RAP1GAP: variants seen among roughly 807,000 people sequenced by gnomAD.
The protein encoded by RAP1GAP is RAP1 GTPase activating protein.
A neutral mutation model predicts 87.2 loss-of-function variants in RAP1GAP; 35 were observed. The ratio of observed to expected loss-of-function variants is 0.40; its 90% CI spans 0.31 to 0.53. RAP1GAP has a LOEUF of 0.53. RAP1GAP is among the 20% of genes least tolerant of loss of function. The pLI is 0.48. For missense variants in RAP1GAP, 734 were observed against 898.9 expected, an observed-to-expected ratio of 0.82 and a Z score of 2.35; for synonymous variants, 375 against 363.9, an observed-to-expected ratio of 1.03 and a Z score of -0.35.
chr1:21,669,214 T>C lies in RAP1GAP; in HGVS notation c.-149+40A>G. On this transcript the variant is annotated intron_variant, in intron 1 of 24. Transcript: ENST00000374765. This position sits in a 1 kb window ranked among gnomAD's most constrained non-coding sequence, Gnocchi z 5.6. Reference sequence around the variant, plus strand: ...GGGAGTCTGGACACCTCTGTCCCCTTCCCCTTTCCAGGGCCGCAGCCCTGG... The same window carrying C: ...GGGAGTCTGGACACCTCTGTCCCCTCCCCCTTTCCAGGGCCGCAGCCCTGG... The C allele has an allele frequency of 8.0e-7, 1 of 1,251,684 alleles. No homozygotes were observed. Among genetic ancestry groups the C allele is most frequent in the Non-Finnish European group, 1.0e-6 (1 of 973,128 alleles). 77.5% of individuals were successfully genotyped at this position (1,251,684 alleles called of 1,614,324 possible). A position where few individuals can be genotyped will look rare whatever the true frequency, so the allele number is the denominator to read the frequency against.
chr1:21,617,559 A>G (rs573902002), intron 6 of RAP1GAP, 68 bp from the exon 7 acceptor site: 2 of 1,496,740 alleles, frequency 1.3e-6, no homozygotes, highest in South Asian at 1.2e-5. Context: ...ACACCCTCCC[A>G]ACTCAGACCT....
rs2097307882 is a variant in RAP1GAP, at chr1:21,665,405, C to G, written c.-149+3849G>C. Reference sequence around the variant, plus strand: ...CGGGCTGTGGCAGGGACCACAGGACCCAGCTCATCTCTGTGCCCCAGTGCC... The same window carrying G: ...CGGGCTGTGGCAGGGACCACAGGACGCAGCTCATCTCTGTGCCCCAGTGCC... On this transcript the variant is annotated intron_variant, in intron 1 of 24. Coordinates refer to ENST00000374765, the MANE Select transcript of RAP1GAP (RefSeq NM_002885.4). 5 of 341,738 alleles carry G rather than the reference C, an allele frequency of 1.5e-5. No individual in the cohort carries two copies. In the Middle Eastern group the frequency reaches 1.2e-3, roughly 81 times the overall value. The allele number at this position is 341,738 out of a possible 1,614,324, so 21.2% of individuals were successfully genotyped here. A position where few individuals can be genotyped will look rare whatever the true frequency, so the allele number is the denominator to read the frequency against.
rs2081751109 is a variant in RAP1GAP at position 21,615,939 on chromosome 1, G to A, written c.291+1367C>T. 6.6e-6 allele frequency among the ~76,000 whole-genome samples: 1 copy of A among 152,136 alleles called. No homozygotes were observed. Among genetic ancestry groups the A allele is most frequent in the African/African-American group, 2.4e-5 (1 of 41,410 alleles). ...CACCTCTAGGGCTCAGCTGGGAAGTGGAATTCCATGCTGGGTTCTGGGTTT... is the reference window on the plus strand; with the variant it reads ...CACCTCTAGGGCTCAGCTGGGAAGTAGAATTCCATGCTGGGTTCTGGGTTT... On this transcript the variant is annotated intron_variant, in intron 7 of 24. Coordinates refer to ENST00000374765, the MANE Select transcript of RAP1GAP (RefSeq NM_002885.4). This position sits in a 1 kb window ranked among gnomAD's most constrained non-coding sequence, Gnocchi z 4.5.
chr1:21,598,591 T>G, intron 21 of RAP1GAP, 89 bp from the exon 22 acceptor site: 1 of 1,065,406 alleles, frequency 9.4e-7, no homozygotes, highest in Non-Finnish European at 1.4e-6. Flanking sequence ...CCTCACTGCA[T>G]TCCACAACCC....
At chr1:21,644,081 C>T (rs2095799876) in intron 2 of RAP1GAP, among the ~76,000 whole-genome samples, 1 of 152,124 alleles carries the variant, frequency 6.6e-6, no homozygotes, top group Non-Finnish European at 1.5e-5. Context: ...ATCACACAGC[C>T]AAACAGTGGC....
rs1250368814 is a variant in RAP1GAP at position 21,669,210 on chromosome 1, C to G, written c.-149+44G>C. The G allele has an allele frequency of 8.0e-7, 1 of 1,252,188 alleles. No individual in the cohort carries two copies. The highest frequency in any genetic ancestry group is 1.0e-6 in the Non-Finnish European group (1 of 973,342). 77.6% of individuals were successfully genotyped at this position (1,252,188 alleles called of 1,614,324 possible). On this transcript the variant is annotated intron_variant, in intron 1 of 24. Coordinates refer to ENST00000374765, the MANE Select transcript of RAP1GAP (RefSeq NM_002885.4). The surrounding 1 kb of genome is among the most constrained non-coding windows in gnomAD (Gnocchi z 5.6). Reference sequence around the variant, plus strand: ...CGACGGGAGTCTGGACACCTCTGTCCCCTTCCCCTTTCCAGGGCCGCAGCC... The same window carrying G: ...CGACGGGAGTCTGGACACCTCTGTCGCCTTCCCCTTTCCAGGGCCGCAGCC...
At chr1:21,650,182 G>T (rs1317623161) in intron 1 of RAP1GAP, among the ~76,000 whole-genome samples, 1 of 152,026 alleles carries the variant, frequency 6.6e-6, no homozygotes, top group East Asian at 1.9e-4. Flanking sequence ...ATGGAAGTTT[G>T]CTGGATATCT....
At chr1:21,618,892 C>T in intron 5 of RAP1GAP, 133 bp downstream of exon 5, 2 of 1,043,766 alleles carry the variant, frequency 1.9e-6, no homozygotes, top group East Asian at 2.6e-5. Context: ...TCCCCCCCTA[C>T]CCCCGCACCT....
intron 1 of RAP1GAP, among the ~76,000 whole-genome samples, chr1:21,664,141 GC>G (rs2097258916): frequency 1.3e-5 from 2 of 152,204 alleles, no homozygotes; most frequent in Admixed American, 1.3e-4. Flanking sequence ...ACCAATGACA[GC>G]CCCCGGCTCT....
intron 1 of RAP1GAP, among the ~76,000 whole-genome samples, chr1:21,658,004 T>G (rs541518430): frequency 6.6e-6 from 1 of 152,144 alleles, no homozygotes; most frequent in Non-Finnish European, 1.5e-5. Context: ...TCCTCAGAAA[T>G]GACGGGGTCG....
Position 21,601,800 on chromosome 1 carries a change from G to T in RAP1GAP, c.1539-3C>A. 3 of 1,596,960 alleles carry T rather than the reference G, an allele frequency of 1.9e-6. No homozygotes were observed. The highest frequency in any genetic ancestry group is 2.6e-6 in the Non-Finnish European group (3 of 1,170,940). On this transcript the variant is annotated splice_region_variant and splice_polypyrimidine_tract_variant and intron_variant, in intron 19 of 24. Coordinates refer to ENST00000374765, the MANE Select transcript of RAP1GAP (RefSeq NM_002885.4). Reference sequence around the variant, plus strand: ...TCTGACCAGCCGGAGGGCTCTCCCTGCGGGGCACACGGGGGCAGCGGGGGG... The same window carrying T: ...TCTGACCAGCCGGAGGGCTCTCCCTTCGGGGCACACGGGGGCAGCGGGGGG...
intron 2 of RAP1GAP, among the ~76,000 whole-genome samples, chr1:21,630,266 C>CTTTTT (rs199787255): frequency 6.9e-6 from 1 of 145,840 alleles, no homozygotes. Context: ...TTCTTTTTCC[C>CTTTTT]TTTTTTTTTT....
intron 17 of RAP1GAP, among the ~76,000 whole-genome samples, chr1:21,607,548 A>G (rs2075477795): frequency 8.9e-6 from 1 of 112,506 alleles, no homozygotes; most frequent in African/African-American, 3.2e-5. Flanking sequence ...ACCTCTTCTG[A>G]GAACTCTATT....
intron 2 of RAP1GAP, among the ~76,000 whole-genome samples, chr1:21,628,099 A>G (rs950231662): frequency 2.6e-5 from 4 of 152,160 alleles, no homozygotes; most frequent in African/African-American, 9.7e-5. Flanking sequence ...AAGTTTCACT[A>G]TTTGTTGAAT....
rs766148734 is a variant in RAP1GAP at position 21,613,745 on chromosome 1, A to C, written c.396-39T>G. On this transcript the variant is annotated intron_variant, in intron 8 of 24. Coordinates refer to ENST00000374765, the MANE Select transcript of RAP1GAP (RefSeq NM_002885.4). This position sits in a 1 kb window ranked among gnomAD's most constrained non-coding sequence, Gnocchi z 4.7. ...GTCACACGATGAAGGCCTGGGCAGC[A>C]GGACAGGAAAATGGGAACCCCACCC... The C allele has an allele frequency of 2.6e-6, 4 of 1,567,918 alleles. No individual in the cohort carries two copies. Among genetic ancestry groups the C allele is most frequent in the Non-Finnish European group, 3.5e-6 (4 of 1,139,432 alleles).
At chr1:21,638,969 C>T (rs1213053990) in intron 2 of RAP1GAP, among the ~76,000 whole-genome samples, 2 of 152,234 alleles carry the variant, frequency 1.3e-5, no homozygotes, top group Non-Finnish European at 2.9e-5. Flanking sequence ...CTTTCCCCTA[C>T]ATTAGGCATT....
chr1:21,645,118 T>TA (rs1351537048), intron 2 of RAP1GAP, among the ~76,000 whole-genome samples: 1 of 152,140 alleles, frequency 6.6e-6, no homozygotes, highest in Non-Finnish European at 1.5e-5. Flanking sequence ...CTGCAGTAAC[T>TA]AAAACCATGC....
intron 16 of RAP1GAP, among the ~76,000 whole-genome samples, chr1:21,608,611 C>G (rs76207971): frequency 0.012 from 1,746 of 150,726 alleles, 41 homozygotes; most frequent in African/African-American, 0.041. Context: ...ACCCCCCCAC[C>G]TGACAGGTCC....
chr1:21,604,904 G>T (rs1282486034), intron 18 of RAP1GAP, among the ~76,000 whole-genome samples: 1 of 141,670 alleles, frequency 7.1e-6, no homozygotes, highest in African/African-American at 2.6e-5. Context: ...TGGGTGGGTG[G>T]ATGGATGGAT....
Sources: allele counts gnomAD v4.1 joint callset (sites outside exome capture counted in the v4.1 genomes callset), GRCh38; gene constraint gnomAD v4.1.1; non-coding constraint Gnocchi (gnomAD v3.1); transcripts MANE v1.5; gene names NCBI Gene and HGNC (gene_info 2026-07-23, HGNC 2026-07-21).